The following GALNT12 variants were observed in gnomAD, a reference collection of about 807,000 sequenced individuals.
GALNT12 encodes the protein polypeptide N-acetylgalactosaminyltransferase 12.
GALNT12 carries 45 observed loss-of-function variants against 55.5 expected under a neutral mutation model. That is an observed-to-expected ratio of 0.81 (90% CI 0.64 to 1.04). The LOEUF (loss-of-function observed/expected upper bound fraction) is 1.04, where lower values mean the gene tolerates loss of function less well. Among genes scored for constraint, GALNT12 ranks in the 50% least tolerant of loss-of-function variants. The pLI, the probability that GALNT12 is intolerant of heterozygous loss-of-function variation, is 0.00. For synonymous variants in GALNT12, 304 were observed against 312.2 expected (o/e 0.97, Z 0.28); for missense variants, 709 against 754.8 (o/e 0.94, Z 0.71).
At chr9:98,817,979 T>G (rs1835651844) in intron 1 of GALNT12, among the ~76,000 whole-genome samples, 1 of 151,730 alleles carries the variant, frequency 6.6e-6, no homozygotes, top group Non-Finnish European at 1.5e-5. Context: ...CATAACAAAC[T>G]TCTATAAATC....
In GALNT12 at chr9:98,837,186, A is replaced by G. The variant is rs1836176319; in HGVS notation, c.1212+38A>G. The G allele has an allele frequency of 2.5e-6, 4 of 1,607,520 alleles. No homozygotes were observed. In the African/African-American group the frequency reaches 4.0e-5, roughly 16 times the overall value. ...GCCCACCTGCACTCCATCTGGCTTC[A>G]TCTGAACAACAGCAGCTAATCGTGG... On this transcript the variant is annotated intron_variant, in intron 6 of 9. Coordinates refer to ENST00000375011, the MANE Select transcript of GALNT12 (RefSeq NM_024642.5).
At chr9:98,835,022 A>G (rs914522418) in intron 4 of GALNT12, among the ~76,000 whole-genome samples, 9 of 152,142 alleles carry the variant, frequency 5.9e-5, no homozygotes, top group Non-Finnish European at 1.2e-4. Context: ...TATTTAGCAC[A>G]CACATAGTAC....
rs781443955 is a variant in GALNT12 at position 98,835,230 on chromosome 9, G to A, written c.918-19G>A. ...TTTTCTGCTGTCTACAGTGAAATAAGGATATCATACTTTTTTAGGTCTCCA... is the reference window on the plus strand; with the variant it reads ...TTTTCTGCTGTCTACAGTGAAATAAAGATATCATACTTTTTTAGGTCTCCA... On this transcript the variant is annotated intron_variant, in intron 4 of 9. Transcript: ENST00000375011. The A allele has an allele frequency of 3.3e-6, 5 of 1,518,468 alleles. No individual in the cohort carries two copies. In the South Asian group the frequency reaches 3.4e-5, roughly 10 times the overall value. The allele number at this position is 1,518,468 out of a possible 1,614,324, so 94.1% of individuals were successfully genotyped here.
intron 4 of GALNT12, among the ~76,000 whole-genome samples, chr9:98,833,874 C>T (rs1194724805): frequency 1.3e-5 from 2 of 152,128 alleles, no homozygotes; most frequent in South Asian, 2.1e-4. Flanking sequence ...ACCTATCCTC[C>T]CCATCCCATA....
chr9:98,810,849 G>C (rs1401266079), intron 1 of GALNT12, among the ~76,000 whole-genome samples: 1 of 152,136 alleles, frequency 6.6e-6, no homozygotes, highest in African/African-American at 2.4e-5. Flanking sequence ...TGATGACTAG[G>C]AATCCTTCCT....
intron 3 of GALNT12, among the ~76,000 whole-genome samples, chr9:98,827,273 C>T (rs1467984464): frequency 6.7e-6 from 1 of 148,716 alleles, no homozygotes; most frequent in Non-Finnish European, 1.5e-5. Context: ...CTCACCGCAC[C>T]CTCTGCCTCC....
intron 1 of GALNT12, among the ~76,000 whole-genome samples, chr9:98,819,390 T>C (rs1020116782): frequency 2.0e-5 from 3 of 152,236 alleles, no homozygotes; most frequent in Admixed American, 1.3e-4. Flanking sequence ...GGCTAGGTGC[T>C]GGTGGGGATG....
chr9:98,827,270 C>T (rs972804701), intron 3 of GALNT12, among the ~76,000 whole-genome samples: 2 of 151,888 alleles, frequency 1.3e-5, no homozygotes, highest in Non-Finnish European at 2.9e-5. Flanking sequence ...CGGCTCACCG[C>T]ACCCTCTGCC....
At chr9:98,839,921 T>C in intron 6 of GALNT12, 81 bp from the exon 7 acceptor site, 2 of 1,571,114 alleles carry the variant, frequency 1.3e-6, no homozygotes, top group East Asian at 4.5e-5. Flanking sequence ...TGGTGGTTAG[T>C]AAGTGAGCAT....
At chr9:98,835,441 G>A in intron 5 of GALNT12, 75 bp downstream of exon 5, 1 of 899,476 alleles carries the variant, frequency 1.1e-6, no homozygotes, top group Non-Finnish European at 1.9e-6. Flanking sequence ...TTTGCTGTAA[G>A]AGCCTGGTGG....
chr9:98,840,202 T>C (rs1430349955), intron 7 of GALNT12, 69 bp downstream of exon 7: 8 of 1,601,744 alleles, frequency 5.0e-6, no homozygotes, highest in Admixed American at 1.7e-5. Context: ...CTGCAAATCC[T>C]GGGCAAGAAA....
intron 3 of GALNT12, among the ~76,000 whole-genome samples, chr9:98,830,006 G>A (rs757713195): frequency 8.5e-5 from 13 of 152,322 alleles, no homozygotes; most frequent in Non-Finnish European, 1.6e-4. Flanking sequence ...AGAATTGCAG[G>A]ATCATATGGT....
In GALNT12 at chr9:98,837,092, G is replaced by A; in HGVS notation, c.1156G>A (p.Val386Ile). The A allele has an allele frequency of 2.5e-6, 4 of 1,614,204 alleles. No homozygotes were observed. Among genetic ancestry groups the A allele is most frequent in the Non-Finnish European group, 3.4e-6 (4 of 1,180,048 alleles). ...GGCCAACAGTGTTCGTGCAGCTGAAGTATGGATGGATGAATTTAAAGAGCT... is the reference window on the plus strand; with the variant it reads ...GGCCAACAGTGTTCGTGCAGCTGAAATATGGATGGATGAATTTAAAGAGCT... ...ALANSVRAAE[V>I]WMDEFKELYY... is the part of the protein sequence containing the mutation. The change falls in exon 6 of 10, where the codon GTA becomes ATA. Residue 386 changes from valine to isoleucine, a missense_variant. Physicochemically the swap from Val to Ile is conservative, Grantham distance 29 (BLOSUM62 3). Around this residue, in one of 5 missense-constraint regions of GALNT12, gnomAD observed 262 missense variants for 310.7 expected, o/e 0.84. Coordinates refer to ENST00000375011, the MANE Select transcript of GALNT12 (RefSeq NM_024642.5).
Position 98,850,057 on chromosome 9 carries a change from G to A in GALNT12, c.*965G>A. On this transcript the variant is annotated 3_prime_UTR_variant, in exon 10 of 10. Transcript: ENST00000375011. ...TCAACCTGATTAAGTCAATATGAATGATTAAAAAGATGTGAGAACACTGAC... is the reference window on the plus strand; with the variant it reads ...TCAACCTGATTAAGTCAATATGAATAATTAAAAAGATGTGAGAACACTGAC... 5.3e-6 allele frequency: 1 copy of A among 187,136 alleles called. No individual in the cohort carries two copies. Among genetic ancestry groups the A allele is most frequent in the Non-Finnish European group, 1.1e-5 (1 of 88,678 alleles). The allele number at this position is 187,136 out of a possible 1,614,324, so 11.6% of individuals were successfully genotyped here.
intron 5 of GALNT12, among the ~76,000 whole-genome samples, 181 bp from the exon 6 acceptor site, chr9:98,836,791 C>T (rs557063162): frequency 2.3e-4 from 35 of 152,286 alleles, no homozygotes; most frequent in African/African-American, 8.2e-4. Flanking sequence ...TGCTTTCTTG[C>T]TCTTTACCCA....
intron 1 of GALNT12, among the ~76,000 whole-genome samples, chr9:98,815,316 A>T (rs1835587105): frequency 6.6e-6 from 1 of 152,250 alleles, no homozygotes; most frequent in African/African-American, 2.4e-5. Flanking sequence ...TTTATTATAC[A>T]GTAGATTTGT....
chr9:98,838,956 C>G (rs1233176987), intron 6 of GALNT12, among the ~76,000 whole-genome samples: 1 of 152,202 alleles, frequency 6.6e-6, no homozygotes, highest in Non-Finnish European at 1.5e-5. Flanking sequence ...ACCTCTTGCT[C>G]TGCTCTGCAG....
Position 98,831,847 on chromosome 9 carries a change from G to T in GALNT12, c.807G>T (p.Gly269=). 1 of 1,614,208 alleles carries T rather than the reference G, an allele frequency of 6.2e-7. No individual in the cohort carries two copies. The highest frequency in any genetic ancestry group is 1.6e-4 in the Middle Eastern group (1 of 6,062). ...VIDWNTFEYL[G]NSGEPQIGGF... The stretch of plus-strand genomic sequence containing the variant: ...ACTGGAACACCTTCGAATACCTGGG[G>T]AACTCCGGGGAGCCCCAGATCGGCG... Residue 269 remains glycine, a synonymous_variant, in exon 4 of 10, where the codon GGG becomes GGT. Coordinates refer to ENST00000375011, the MANE Select transcript of GALNT12 (RefSeq NM_024642.5).
At chr9:98,810,068 G>A (rs972570516) in intron 1 of GALNT12, among the ~76,000 whole-genome samples, 5 of 152,080 alleles carry the variant, frequency 3.3e-5, no homozygotes, top group Non-Finnish European at 7.4e-5. Context: ...CAGGCTTTGA[G>A]ATGTAACTTC....
Sources: allele counts gnomAD v4.1 joint callset (sites outside exome capture counted in the v4.1 genomes callset), GRCh38; gene constraint gnomAD v4.1.1; regional missense constraint gnomAD v4.1.1; transcripts MANE v1.5; gene names NCBI Gene and HGNC (gene_info 2026-07-23, HGNC 2026-07-21).